Variants in MEIKIN observed in about 807,000 individuals in gnomAD.
MEIKIN encodes the protein meiotic kinetochore factor, also known as meiosis-specific kinetochore protein.
chr5:131,818,669 A>G (rs1773145254), intron 12 of MEIKIN, 71 bp downstream of exon 12: 1 of 388,620 alleles, frequency 2.6e-6, no homozygotes, highest in Non-Finnish European at 4.6e-6. Context: ...TCCTGTGTAC[A>G]TAAGGCATTT....
chr5:131,898,427 G>A (rs764254765), intron 8 of MEIKIN, among the ~76,000 whole-genome samples: 14 of 152,326 alleles, frequency 9.2e-5, no homozygotes, highest in Admixed American at 1.3e-4. Flanking sequence ...GAGCTCAAAC[G>A]CTGTGCTGGG....
In MEIKIN at chr5:131,921,892, A is replaced by C; in HGVS notation, c.528T>G (p.Thr176=). Residue 176 remains threonine, a synonymous_variant, in exon 6 of 13, where the codon ACT becomes ACG. Coordinates refer to ENST00000442687, the MANE Select transcript of MEIKIN (RefSeq NM_001303622.2). ...CTACTGCTTTACTGGTATCCAGAAGAGTAGAATTCTTCCACTGCATGTGTT... is the reference window on the plus strand; with the variant it reads ...CTACTGCTTTACTGGTATCCAGAAGCGTAGAATTCTTCCACTGCATGTGTT... ...LEEHMQWKNS[T]LLDTSKAVAI... is the part of the protein sequence containing the mutation. The C allele has an allele frequency of 2.5e-6, 1 of 399,012 alleles. No individual in the cohort carries two copies. Among genetic ancestry groups the C allele is most frequent in the Non-Finnish European group, 4.4e-6 (1 of 226,040 alleles). 24.7% of individuals were successfully genotyped at this position (399,012 alleles called of 1,614,324 possible).
At chr5:131,895,951 T>C (rs1751041795) in intron 8 of MEIKIN, among the ~76,000 whole-genome samples, 1 of 152,210 alleles carries the variant, frequency 6.6e-6, no homozygotes, top group Non-Finnish European at 1.5e-5. Flanking sequence ...TTGCTCTTGC[T>C]TCTCTAGTTC....
intron 5 of MEIKIN, among the ~76,000 whole-genome samples, chr5:131,928,289 TATTGTCATTTCACTA>T (rs1379519777): frequency 1.3e-5 from 2 of 152,250 alleles, no homozygotes; most frequent in African/African-American, 4.8e-5. Flanking sequence ...AGGACTTAAC[TATTGTCATTTCACTA>T]ATTGTTTCTG....
intron 8 of MEIKIN, among the ~76,000 whole-genome samples, chr5:131,885,139 G>C (rs1446499587): frequency 6.6e-6 from 1 of 152,144 alleles, no homozygotes; most frequent in Non-Finnish European, 1.5e-5. Flanking sequence ...AGCTTAGTTG[G>C]CTTCATCACC....
chr5:131,846,131 C>T (rs1430459603), intron 11 of MEIKIN, among the ~76,000 whole-genome samples: 2 of 152,058 alleles, frequency 1.3e-5, no homozygotes, highest in East Asian at 3.8e-4. Context: ...ATTCAAAGTG[C>T]TAAAAGAAAA....
At chr5:131,820,148 T>C (rs1406961908) in intron 11 of MEIKIN, among the ~76,000 whole-genome samples, 1 of 143,878 alleles carries the variant, frequency 7.0e-6, no homozygotes, top group African/African-American at 2.6e-5. Context: ...CTCAGCTCAC[T>C]GCAACCTCTG....
At chr5:131,886,553 G>A (rs1229859968) in intron 8 of MEIKIN, among the ~76,000 whole-genome samples, 1 of 152,118 alleles carries the variant, frequency 6.6e-6, no homozygotes, top group Non-Finnish European at 1.5e-5. Flanking sequence ...TAGTATATCA[G>A]GCAAAAATAT....
intron 9 of MEIKIN, among the ~76,000 whole-genome samples, chr5:131,875,981 T>A (rs565001331): frequency 1.3e-5 from 2 of 152,136 alleles, no homozygotes; most frequent in African/African-American, 4.8e-5. Flanking sequence ...TTACACCTTA[T>A]ACAAAAATTA....
chr5:131,883,028 T>A (rs377014591), intron 8 of MEIKIN, among the ~76,000 whole-genome samples: 1 of 152,226 alleles, frequency 6.6e-6, no homozygotes, highest in African/African-American at 2.4e-5. Flanking sequence ...TATTTGACGT[T>A]ATATATTTAT....
intron 8 of MEIKIN, among the ~76,000 whole-genome samples, chr5:131,889,562 G>T (rs1039393416): frequency 5.3e-5 from 8 of 152,186 alleles, no homozygotes; most frequent in African/African-American, 1.9e-4. Flanking sequence ...CATTAATTTT[G>T]TATCTTGAGA....
intron 8 of MEIKIN, among the ~76,000 whole-genome samples, chr5:131,900,666 C>A (rs1197315023): frequency 6.6e-6 from 1 of 152,188 alleles, no homozygotes; most frequent in Non-Finnish European, 1.5e-5. Flanking sequence ...TAGTCTTGCC[C>A]ATGAGATAGG....
At chr5:131,891,660 T>C (rs1434544173) in intron 8 of MEIKIN, among the ~76,000 whole-genome samples, 1 of 152,218 alleles carries the variant, frequency 6.6e-6, no homozygotes, top group African/African-American at 2.4e-5. Context: ...GGGTCTTGAC[T>C]CTTTATCCAA....
At chr5:131,871,125 C>T (rs1302925700) in intron 9 of MEIKIN, among the ~76,000 whole-genome samples, 1 of 152,244 alleles carries the variant, frequency 6.6e-6, no homozygotes, top group Non-Finnish European at 1.5e-5. Context: ...CCCGGTTCAT[C>T]TCACTGGGGT....
At chr5:131,892,699 CCTT>C (rs1261566776) in intron 8 of MEIKIN, among the ~76,000 whole-genome samples, 1 of 152,198 alleles carries the variant, frequency 6.6e-6, no homozygotes, top group African/African-American at 2.4e-5. Context: ...TCATCTGAAG[CCTT>C]CTTCTCTCAA....
intron 4 of MEIKIN, among the ~76,000 whole-genome samples, chr5:131,938,642 T>A (rs1269653418): frequency 6.6e-6 from 1 of 152,234 alleles, no homozygotes; most frequent in Non-Finnish European, 1.5e-5. Context: ...TTTCATATTT[T>A]TATTTTTTAA....
rs188998539 is a variant in MEIKIN, at chr5:131,823,830, T to C, written c.976-4967A>G. On this transcript the variant is annotated intron_variant, in intron 11 of 12. Transcript: ENST00000442687. The stretch of plus-strand genomic sequence containing the variant: ...TGGATTTGTTTATGCCTGTCCTTCT[T>C]GGGAAGGCTTCTTAAGTATTCCAAG... Among the ~76,000 whole-genome samples the C allele has an allele frequency of 7.2e-5, 11 of 152,274 alleles. No individual in the cohort carries two copies. The East Asian group carries it at 1.9e-3, about 27-fold the overall frequency.
Position 131,862,245 on chromosome 5 carries a change from A to T in MEIKIN, c.775-7411T>A, listed in dbSNP as rs189391516. On this transcript the variant is annotated intron_variant, in intron 9 of 12. Transcript: ENST00000442687. ...TTCTAGTTAGTATATAGTTATTCAT[A>T]AAAGTCTCTGCTGATGTTTTCTAAT... Among the ~76,000 whole-genome samples, 10 of 152,244 alleles carry T rather than the reference A, an allele frequency of 6.6e-5. No individual in the cohort carries two copies. In the East Asian group the frequency reaches 1.9e-3, roughly 29 times the overall value.
At chr5:131,933,142 A>C (rs1452346460) in intron 5 of MEIKIN, among the ~76,000 whole-genome samples, 6 of 152,216 alleles carry the variant, frequency 3.9e-5, no homozygotes, top group African/African-American at 1.4e-4. Flanking sequence ...AGAAAATTCA[A>C]GCAGGGACTT....
Sources: gnomAD v4.1 joint callset for allele counts (sites outside exome capture counted in the v4.1 genomes callset) on GRCh38, gnomAD v4.1.1 for gene constraint, MANE v1.5 for transcripts, NCBI Gene and HGNC (gene_info 2026-07-23, HGNC 2026-07-21) for gene names.